Variants in SORCS1 observed in about 807,000 individuals in gnomAD.
The protein encoded by SORCS1 is sortilin related VPS10 domain containing receptor 1.
Under a neutral mutation model 146.1 loss-of-function variants are expected in SORCS1, and 60 were observed. The observed-to-expected ratio is 0.41, with a 90% CI of 0.33 to 0.51. The LOEUF (loss-of-function observed/expected upper bound fraction) is 0.51, where lower values mean the gene tolerates loss of function less well. SORCS1 is among the 20% of genes least tolerant of loss of function. The pLI, the probability that SORCS1 is intolerant of heterozygous loss-of-function variation, is 0.21. For synonymous variants in SORCS1, 637 were observed against 584.0 expected (o/e 1.09, Z -1.31); for missense variants, 1,352 against 1,487.6 (o/e 0.91, Z 1.50).
intron 18 of SORCS1, among the ~76,000 whole-genome samples, chr10:106,642,821 T>C (rs1849161603): frequency 6.6e-6 from 1 of 152,214 alleles, no homozygotes; most frequent in South Asian, 2.1e-4. Flanking sequence ...CTCTCTTTGC[T>C]GAAATGTTTT....
At chr10:106,999,124 C>T (rs934864016) in intron 1 of SORCS1, among the ~76,000 whole-genome samples, 2 of 152,098 alleles carry the variant, frequency 1.3e-5, no homozygotes, top group African/African-American at 4.8e-5. Flanking sequence ...TATAGATTTA[C>T]GTAATTCAGG....
At chr10:106,763,210 G>A (rs1859282826) in intron 4 of SORCS1, among the ~76,000 whole-genome samples, 1 of 152,146 alleles carries the variant, frequency 6.6e-6, no homozygotes, top group Admixed American at 6.5e-5. Context: ...TATAAACTCT[G>A]TGTGCTCCTA....
intron 1 of SORCS1, among the ~76,000 whole-genome samples, chr10:106,970,941 G>A (rs1354859210): frequency 6.8e-6 from 1 of 146,278 alleles, no homozygotes; most frequent in African/African-American, 2.6e-5. Context: ...GTAGAGATGG[G>A]GTTTCACCAT....
intron 1 of SORCS1, among the ~76,000 whole-genome samples, chr10:106,974,524 G>A (rs190878435): frequency 5.9e-5 from 9 of 152,288 alleles, no homozygotes; most frequent in Admixed American, 2.0e-4. Flanking sequence ...AGGGTGGCAG[G>A]AGAAGCTTAA....
chr10:107,139,118 A>T (rs1270607905), intron 1 of SORCS1, among the ~76,000 whole-genome samples: 2 of 152,334 alleles, frequency 1.3e-5, no homozygotes, highest in South Asian at 4.1e-4. Context: ...TATGAATCTA[A>T]GCATGAAAAT....
At chr10:106,642,049 G>T (rs570344253) in intron 18 of SORCS1, among the ~76,000 whole-genome samples, 16 of 152,282 alleles carry the variant, frequency 1.1e-4, no homozygotes, top group African/African-American at 3.8e-4. Flanking sequence ...CTAACTATTT[G>T]CTGAGACAGT....
intron 1 of SORCS1, among the ~76,000 whole-genome samples, chr10:107,069,539 C>T (rs1962237825): frequency 6.6e-6 from 1 of 152,046 alleles, no homozygotes. Flanking sequence ...CCACGCCTGG[C>T]TAATTTTTGT....
chr10:106,687,888 T>A (rs763917183), intron 10 of SORCS1, among the ~76,000 whole-genome samples: 1 of 152,144 alleles, frequency 6.6e-6, no homozygotes, highest in African/African-American at 2.4e-5. Flanking sequence ...TCAGTGTGTA[T>A]CCTCACCAGG....
intron 18 of SORCS1, among the ~76,000 whole-genome samples, chr10:106,645,167 A>T (rs1426620330): frequency 2.1e-5 from 2 of 95,040 alleles, no homozygotes; most frequent in Non-Finnish European, 3.8e-5. Flanking sequence ...AGGGTGTCTT[A>T]TTATTTTTTT....
chr10:107,057,785 T>G (rs138824369), intron 1 of SORCS1, among the ~76,000 whole-genome samples: 43 of 152,330 alleles, frequency 2.8e-4, no homozygotes, highest in African/African-American at 9.9e-4. Context: ...CTTCCTATAG[T>G]GGAAATATGT....
At chr10:106,930,817 T>C (rs186874815) in intron 2 of SORCS1, among the ~76,000 whole-genome samples, 5 of 152,298 alleles carry the variant, frequency 3.3e-5, no homozygotes, top group Admixed American at 3.3e-4. Flanking sequence ...GTTCTAATGC[T>C]TCCCCACTAA....
chr10:106,654,197 G>C (rs987669801), intron 17 of SORCS1, among the ~76,000 whole-genome samples: 6 of 152,174 alleles, frequency 3.9e-5, no homozygotes, highest in African/African-American at 1.4e-4. Flanking sequence ...TATTTAGAGA[G>C]TGCTTACTAT....
At chr10:106,915,220 A>G (rs1221475595) in intron 2 of SORCS1, among the ~76,000 whole-genome samples, 1 of 152,124 alleles carries the variant, frequency 6.6e-6, no homozygotes, top group Non-Finnish European at 1.5e-5. Flanking sequence ...TGGCACCACT[A>G]TCTGTCCTGT....
chr10:106,905,980 C>T (rs996987950), intron 2 of SORCS1, among the ~76,000 whole-genome samples: 1 of 152,332 alleles, frequency 6.6e-6, no homozygotes, highest in South Asian at 2.1e-4. Context: ...CCTCTCATAA[C>T]TCAATCTCAT....
intron 3 of SORCS1, among the ~76,000 whole-genome samples, chr10:106,787,708 T>C (rs1411813768): frequency 6.6e-6 from 1 of 152,204 alleles, no homozygotes; most frequent in Non-Finnish European, 1.5e-5. Context: ...ACACGATCTT[T>C]TATGGATCTG....
intron 19 of SORCS1, among the ~76,000 whole-genome samples, chr10:106,628,140 T>C (rs1404290137): frequency 6.6e-6 from 1 of 152,202 alleles, no homozygotes; most frequent in Non-Finnish European, 1.5e-5. Context: ...AAGGAGTGCA[T>C]GTTTCTTTGA....
At chr10:106,775,546 T>C (rs944680527) in intron 4 of SORCS1, among the ~76,000 whole-genome samples, 7 of 152,204 alleles carry the variant, frequency 4.6e-5, no homozygotes, top group African/African-American at 1.7e-4. Context: ...CCTTCAAAAA[T>C]GCCACATATC....
At chr10:107,047,295 C>G (rs1311710108) in intron 1 of SORCS1, among the ~76,000 whole-genome samples, 1 of 152,142 alleles carries the variant, frequency 6.6e-6, no homozygotes, top group East Asian at 1.9e-4. Context: ...AGCCAGCATT[C>G]TGTTTTATTT....
chr10:106,683,463 T>C (rs1027017386), intron 10 of SORCS1, among the ~76,000 whole-genome samples: 6 of 152,222 alleles, frequency 3.9e-5, no homozygotes, highest in Admixed American at 3.9e-4. Context: ...TTATTTCACT[T>C]AGCATAATGT....
Sources: allele counts gnomAD v4.1 joint callset (sites outside exome capture counted in the v4.1 genomes callset), GRCh38; gene constraint gnomAD v4.1.1; transcripts MANE v1.5; gene names NCBI Gene and HGNC (gene_info 2026-07-23, HGNC 2026-07-21).